MEIS1: variants seen among roughly 807,000 people sequenced by gnomAD.
MEIS1 encodes homeobox protein Meis1.
MEIS1 carries 5 observed loss-of-function variants against 50.8 expected under a neutral mutation model. The observed-to-expected ratio is 0.10, with a 90% confidence interval of 0.05 to 0.21. The LOEUF is 0.21. Ranked by LOEUF, MEIS1 falls within the 10% of genes least tolerant of loss-of-function variation. The pLI is 1.00. For missense variants in MEIS1, 318 were observed against 517.3 expected, an observed-to-expected ratio of 0.61 and a Z score of 3.74; for synonymous variants, 176 against 179.3, an observed-to-expected ratio of 0.98 and a Z score of 0.15.
chr2:66,498,280 G>A (rs1171728535), intron 7 of MEIS1, among the ~76,000 whole-genome samples: 2 of 152,228 alleles, frequency 1.3e-5, no homozygotes, highest in East Asian at 1.9e-4. Context: ...TATTTCATCT[G>A]CCCCACAACT....
intron 9 of MEIS1, among the ~76,000 whole-genome samples, chr2:66,555,414 G>C (rs1169622872): frequency 6.6e-6 from 1 of 151,910 alleles, no homozygotes; most frequent in East Asian, 1.9e-4. Context: ...GAATCAAGGG[G>C]ACAAATGTCT....
chr2:66,490,736 C>T (rs1673251926), intron 7 of MEIS1, among the ~76,000 whole-genome samples: 1 of 151,974 alleles, frequency 6.6e-6, no homozygotes, highest in African/African-American at 2.4e-5. Flanking sequence ...AAATAAAAGC[C>T]CTGGCAAGGA....
intron 7 of MEIS1, among the ~76,000 whole-genome samples, chr2:66,509,412 A>G (rs1407215599): frequency 6.6e-6 from 1 of 152,228 alleles, no homozygotes; most frequent in Non-Finnish European, 1.5e-5. Flanking sequence ...ATTACAACCC[A>G]GCAGTGTAAT....
chr2:66,525,958 A>G (rs1029648942), intron 8 of MEIS1, among the ~76,000 whole-genome samples: 2 of 152,248 alleles, frequency 1.3e-5, no homozygotes, highest in Admixed American at 6.5e-5. Context: ...CACTGCAGAA[A>G]CAACACATAT....
intron 7 of MEIS1, among the ~76,000 whole-genome samples, chr2:66,475,633 A>G (rs1379462184): frequency 1.3e-5 from 2 of 152,214 alleles, no homozygotes; most frequent in African/African-American, 4.8e-5. Flanking sequence ...TACAACATCC[A>G]TGGAAGTTGC....
At chr2:66,518,110 C>T (rs746936198) in intron 8 of MEIS1, among the ~76,000 whole-genome samples, 2 of 152,292 alleles carry the variant, frequency 1.3e-5, no homozygotes, top group South Asian at 2.1e-4. Context: ...TAGTTATGCA[C>T]CTCTGACCTG....
intron 9 of MEIS1, among the ~76,000 whole-genome samples, chr2:66,559,055 T>C (rs1675145588): frequency 6.6e-6 from 1 of 151,628 alleles, no homozygotes; most frequent in African/African-American, 2.4e-5. Flanking sequence ...GGCAGGAGAA[T>C]CACTTGAACC....
At chr2:66,443,956 T>TTCTC (rs748071541) in intron 6 of MEIS1, among the ~76,000 whole-genome samples, 1 of 152,100 alleles carries the variant, frequency 6.6e-6, no homozygotes, top group Non-Finnish European at 1.5e-5. Flanking sequence ...CTGTGGGGAT[T>TTCTC]TCTCTCTCTC....
At chr2:66,551,496 A>G (rs751813992) in intron 9 of MEIS1, among the ~76,000 whole-genome samples, 1 of 152,196 alleles carries the variant, frequency 6.6e-6, no homozygotes, top group African/African-American at 2.4e-5. Flanking sequence ...GGTTGGCATC[A>G]GTACTTACAG....
At chr2:66,460,395 C>T (rs1016016823) in intron 6 of MEIS1, among the ~76,000 whole-genome samples, 2 of 152,124 alleles carry the variant, frequency 1.3e-5, no homozygotes, top group African/African-American at 4.8e-5. Flanking sequence ...CCCCAAACAA[C>T]TTATTTTGAA....
chr2:66,498,215 T>C (rs545481164), intron 7 of MEIS1, among the ~76,000 whole-genome samples: 1 of 152,304 alleles, frequency 6.6e-6, no homozygotes, highest in South Asian at 2.1e-4. Flanking sequence ...TCACATTCGC[T>C]GAGCTAAGCC....
At chr2:66,512,688 A>G (rs1308400356) in intron 8 of MEIS1, among the ~76,000 whole-genome samples, 1 of 152,212 alleles carries the variant, frequency 6.6e-6, no homozygotes, top group Non-Finnish European at 1.5e-5. Context: ...GGATCTTTAC[A>G]ACAAATGGTC....
Position 66,538,882 on chromosome 2 carries a change from T to G in MEIS1, c.889-9061T>G, listed in dbSNP as rs184679218. ...ATTCTATGATCCTTAAAAGAGTTTT[T>G]TTTTTTTTTTTGTTTGTTTGTTTTT... is the stretch of plus-strand genomic sequence containing the variant. On this transcript the variant is annotated intron_variant, in intron 8 of 12. Transcript: ENST00000272369. Among the ~76,000 whole-genome samples the G allele has an allele frequency of 2.0e-3, 309 of 151,758 alleles. 1 individual carries two copies. Among genetic ancestry groups the G allele is most frequent in the Non-Finnish European group, 3.0e-3 (203 of 67,972 alleles).
chr2:66,556,564 A>C (rs1028300290), intron 9 of MEIS1, among the ~76,000 whole-genome samples: 4 of 151,440 alleles, frequency 2.6e-5, no homozygotes, highest in African/African-American at 9.7e-5. Context: ...ATACACACAT[A>C]CACACGTGCA....
intron 7 of MEIS1, among the ~76,000 whole-genome samples, chr2:66,501,089 T>C (rs1031537008): frequency 2.0e-5 from 3 of 152,212 alleles, no homozygotes; most frequent in Non-Finnish European, 2.9e-5. Context: ...TGACCATTCA[T>C]TAATAGAGCA....
intron 8 of MEIS1, among the ~76,000 whole-genome samples, chr2:66,527,562 G>A (rs1192012180): frequency 2.0e-5 from 3 of 148,348 alleles, no homozygotes; most frequent in Non-Finnish European, 3.0e-5. Flanking sequence ...GATCTCTGTG[G>A]CTCTGATACC....
intron 9 of MEIS1, among the ~76,000 whole-genome samples, chr2:66,555,657 T>C (rs1675042753): frequency 6.6e-6 from 1 of 152,106 alleles, no homozygotes. Context: ...TCTCCACCTA[T>C]TTTGTGTCAA....
intron 7 of MEIS1, among the ~76,000 whole-genome samples, chr2:66,481,620 C>T (rs920153162): frequency 1.3e-5 from 2 of 152,132 alleles, no homozygotes; most frequent in African/African-American, 4.8e-5. Flanking sequence ...GTACCTTGAG[C>T]ATCTCTTTAT....
intron 1 of MEIS1, among the ~76,000 whole-genome samples, chr2:66,436,533 C>T (rs1046352371): frequency 6.6e-6 from 1 of 152,166 alleles, no homozygotes; most frequent in East Asian, 1.9e-4. Context: ...CAATGACAAC[C>T]CAACTGAGGT....
Sources: allele counts gnomAD v4.1 joint callset (sites outside exome capture counted in the v4.1 genomes callset), GRCh38; gene constraint gnomAD v4.1.1; transcripts MANE v1.5; gene names NCBI Gene and HGNC (gene_info 2026-07-23, HGNC 2026-07-21).